The following IQSEC3 variants were observed in gnomAD, a reference collection of about 807,000 sequenced individuals.
The protein encoded by IQSEC3 is IQ motif and SEC7 domain-containing protein 3.
IQSEC3 carries 50 observed loss-of-function variants against 105.4 expected under a neutral mutation model. The observed-to-expected ratio is 0.47, with a 90% confidence interval of 0.38 to 0.60. The LOEUF is 0.60. IQSEC3 is among the 20% of genes least tolerant of loss of function. The probability of loss-of-function intolerance (pLI) is 0.00; values close to 1 mark genes in which losing one functional copy is unlikely to be tolerated. For missense variants in IQSEC3, 1,415 were observed against 1,630.0 expected (o/e 0.87, Z 2.27); for synonymous variants, 708 against 746.0 (o/e 0.95, Z 0.83).
At chr12:158,079 T>C (rs1565443249) in intron 7 of IQSEC3, among the ~76,000 whole-genome samples, 1 of 152,104 alleles carries the variant, frequency 6.6e-6, no homozygotes, top group Non-Finnish European at 1.5e-5. Flanking sequence ...CAGATAACTG[T>C]ATGGCACCAG....
intron 4 of IQSEC3, 84 bp from the exon 5 acceptor site, chr12:141,040 C>A (rs948934100): frequency 4.9e-5 from 68 of 1,394,986 alleles, no homozygotes; most frequent in Non-Finnish European, 6.2e-5. Context: ...CCTCTGGGTA[C>A]TTCTATGGGT....
At chr12:97,882 C>G (rs930163419) in intron 1 of IQSEC3, among the ~76,000 whole-genome samples, 9 of 152,264 alleles carry the variant, frequency 5.9e-5, no homozygotes, top group African/African-American at 2.2e-4. Context: ...TGTCTACACT[C>G]TCAGACCCTG....
intron 5 of IQSEC3, 170 bp downstream of exon 5, chr12:141,455 G>A (rs535784938): frequency 9.3e-4 from 614 of 662,282 alleles, no homozygotes; most frequent in Non-Finnish European, 1.3e-3. Context: ...CCAGTGGGCC[G>A]GAGCCCTGTC....
intron 3 of IQSEC3, 63 bp downstream of exon 3, chr12:125,975 G>GGCGGTACC (rs1865389035): frequency 6.8e-7 from 1 of 1,469,080 alleles, no homozygotes; most frequent in Admixed American, 2.1e-5. Flanking sequence ...GGGGGCTGTC[G>GGCGGTACC]AGGGTACCAG....
Position 177,621 on chromosome 12 carries a change from A to T in IQSEC3, c.*2588A>T, listed in dbSNP as rs1157303266. The T allele has an allele frequency of 6.6e-6, 1 of 152,250 alleles. No homozygotes were observed. 9.4% of individuals were successfully genotyped at this position (152,250 alleles called of 1,614,324 possible). ...CAGTCCTGAGCTGGGAGGGGCATTT[A>T]ACACCCCTGAGGGCCTGGGGCAGGA... On this transcript the variant is annotated 3_prime_UTR_variant, in exon 14 of 14. Coordinates refer to ENST00000538872, the MANE Select transcript of IQSEC3 (RefSeq NM_001170738.2). This position sits in a 1 kb window ranked among gnomAD's most constrained non-coding sequence, Gnocchi z 5.3.
In IQSEC3 at chr12:177,201, A is replaced by T. The variant is rs1310105825; in HGVS notation, c.*2168A>T. 1 of 133,084 alleles carries T rather than the reference A, an allele frequency of 7.5e-6. No homozygotes were observed. The highest frequency in any genetic ancestry group is 1.6e-5 in the Non-Finnish European group (1 of 62,090). The allele number at this position is 133,084 out of a possible 1,614,324, so 8.2% of individuals were successfully genotyped here. ...ACAGGCAGGACCCCGTCCCCTGCTCACACAGCTCTTCAAGCTTACCAAGGA... is the reference window on the plus strand; with the variant it reads ...ACAGGCAGGACCCCGTCCCCTGCTCTCACAGCTCTTCAAGCTTACCAAGGA... On this transcript the variant is annotated 3_prime_UTR_variant, in exon 14 of 14. Transcript: ENST00000538872. The surrounding 1 kb of genome is among the most constrained non-coding windows in gnomAD (Gnocchi z 5.3).
At chr12:90,403 C>T (rs1483449098) in intron 1 of IQSEC3, among the ~76,000 whole-genome samples, 1 of 152,174 alleles carries the variant, frequency 6.6e-6, no homozygotes, top group African/African-American at 2.4e-5. Flanking sequence ...GAAATCTTTG[C>T]ATATCCTAAA....
chr12:170,881 A>G (rs1938950620), intron 12 of IQSEC3, among the ~76,000 whole-genome samples: 1 of 152,246 alleles, frequency 6.6e-6, no homozygotes, highest in Non-Finnish European at 1.5e-5. Context: ...CACAATGCCA[A>G]CATCAGAAAG....
chr12:141,753 T>C (rs1866038380), intron 5 of IQSEC3: 1 of 160,208 alleles, frequency 6.2e-6, no homozygotes, highest in Non-Finnish European at 1.4e-5. Flanking sequence ...ACTGAGGGTT[T>C]TAGAGCAAGA....
At chr12:93,830 T>C (rs1359182613) in intron 1 of IQSEC3, among the ~76,000 whole-genome samples, 1 of 152,140 alleles carries the variant, frequency 6.6e-6, no homozygotes, top group Non-Finnish European at 1.5e-5. Flanking sequence ...GAGTGACTTC[T>C]CACTCTGTTA....
intron 1 of IQSEC3, among the ~76,000 whole-genome samples, chr12:97,196 T>A (rs927763285): frequency 8.5e-5 from 13 of 152,244 alleles, no homozygotes; most frequent in African/African-American, 3.1e-4. Flanking sequence ...GGCTGTTTTT[T>A]CTGCTGGGTT....
intron 2 of IQSEC3, among the ~76,000 whole-genome samples, chr12:123,592 C>T (rs1475248879): frequency 2.6e-5 from 4 of 152,188 alleles, no homozygotes; most frequent in Non-Finnish European, 4.4e-5. Flanking sequence ...ACTCCTTTAT[C>T]TGCCAGAGGT....
At position 177,289 on chromosome 12, in the gene IQSEC3, C is replaced by G. The variant is rs950512390; in HGVS notation, c.*2256C>G. ...AGCTTACCAAGGACAGGCAGGACCC[C>G]GTCCCCTGCTCACACAGCTCTTCAA... On this transcript the variant is annotated 3_prime_UTR_variant, in exon 14 of 14. Coordinates refer to ENST00000538872, the MANE Select transcript of IQSEC3 (RefSeq NM_001170738.2). The surrounding 1 kb of genome is among the most constrained non-coding windows in gnomAD (Gnocchi z 5.3). 9.3e-6 allele frequency: 1 copy of G among 107,194 alleles called. No individual in the cohort carries two copies. The highest frequency in any genetic ancestry group is 2.2e-5 in the Non-Finnish European group (1 of 45,236). 6.6% of individuals were successfully genotyped at this position (107,194 alleles called of 1,614,324 possible). A position where few individuals can be genotyped will look rare whatever the true frequency, so the allele number is the denominator to read the frequency against.
rs183554778 is a variant in IQSEC3 at position 143,619 on chromosome 12, C to T, written c.2153+2334C>T. The T allele has an allele frequency of 1.4e-3, 210 of 150,556 alleles. 3 individuals carry two copies. In the Admixed American group the frequency reaches 0.014, roughly 10 times the overall value. 9.3% of individuals were successfully genotyped at this position (150,556 alleles called of 1,614,324 possible). On this transcript the variant is annotated intron_variant, in intron 5 of 13. Transcript: ENST00000538872. ...CAGTGCTGGGGTGCCAGAGTTCATG[C>T]AGGGCAGTGCTGGGGTGCCAGCGTT...
chr12:84,281 A>G (rs1249082084), intron 1 of IQSEC3, among the ~76,000 whole-genome samples: 1 of 152,186 alleles, frequency 6.6e-6, no homozygotes, highest in African/African-American at 2.4e-5. Flanking sequence ...GATGACTGGC[A>G]GAGTACCACC....
chr12:145,025 G>T (rs1386515112), intron 5 of IQSEC3, among the ~76,000 whole-genome samples: 2 of 152,154 alleles, frequency 1.3e-5, no homozygotes, highest in African/African-American at 4.8e-5. Flanking sequence ...TAGCGATGGG[G>T]GTCTCACTGT....
intron 2 of IQSEC3, among the ~76,000 whole-genome samples, chr12:111,373 A>G (rs1191415609): frequency 4.6e-5 from 7 of 152,156 alleles, no homozygotes; most frequent in Admixed American, 1.3e-4. Context: ...TGGTTTGAGG[A>G]CTATCCCTTC....
intron 1 of IQSEC3, among the ~76,000 whole-genome samples, chr12:86,182 G>A (rs527439561): frequency 8.9e-4 from 135 of 152,352 alleles, no homozygotes; most frequent in African/African-American, 2.9e-3. Context: ...AGAGGTGGGC[G>A]CTTCCGGCCT....
intron 5 of IQSEC3, among the ~76,000 whole-genome samples, chr12:151,665 C>T (rs368782222): frequency 6.6e-6 from 1 of 152,176 alleles, no homozygotes; most frequent in African/African-American, 2.4e-5. Flanking sequence ...TCAGGATAAA[C>T]TCCCAAATCC....
Sources: gnomAD v4.1 joint callset for allele counts (sites outside exome capture counted in the v4.1 genomes callset) on GRCh38, gnomAD v4.1.1 for gene constraint, Gnocchi (gnomAD v3.1) non-coding constraint, MANE v1.5 for transcripts, NCBI Gene and HGNC (gene_info 2026-07-23, HGNC 2026-07-21) for gene names.